Variants in CPXM1 observed in about 807,000 individuals in gnomAD.
CPXM1 encodes probable carboxypeptidase X1.
CPXM1 carries 72 observed loss-of-function variants against 80.4 expected under a neutral mutation model. The observed-to-expected ratio is 0.90, with a 90% CI of 0.74 to 1.09. The LOEUF is 1.09. Ranked by LOEUF, CPXM1 falls within the 50% of genes least tolerant of loss-of-function variation. The pLI is 0.00. For synonymous variants in CPXM1, 403 were observed against 405.6 expected, an observed-to-expected ratio of 0.99 and a Z score of 0.08; for missense variants, 892 against 999.4, an observed-to-expected ratio of 0.89 and a Z score of 1.45.
chr20:2,796,466 A>T lies in CPXM1; in HGVS notation c.1046-23T>A, dbSNP rs752893225. ...CCCCTGGGGACACATGGGGGCTTGC[A>T]GCGGGTTCATGCCTGGGGCCCTGCC... On this transcript the variant is annotated intron_variant, in intron 8 of 13. Transcript: ENST00000380605. The surrounding 1 kb of genome is among the most constrained non-coding windows in gnomAD (Gnocchi z 6.8). The T allele has an allele frequency of 1.7e-5, 28 of 1,613,538 alleles. No individual in the cohort carries two copies. The highest frequency in any genetic ancestry group is 2.2e-5 in the Non-Finnish European group (26 of 1,179,616).
In CPXM1 at chr20:2,794,625, A is replaced by G. The variant is rs762194038; in HGVS notation, c.1875T>C (p.Ile625=). ...TGTCCTTGTCCCTCACCACTCCTGC[A>G]ATGCCCATGCGCACCTGTGTGGGAA... The part of the protein sequence containing the change: ...LTYLEQVRMG[I]AGVVRDKDTE... Residue 625 remains isoleucine, a synonymous_variant, in exon 13 of 14, where the codon ATT becomes ATC. Transcript: ENST00000380605. This position sits in a 1 kb window ranked among gnomAD's most constrained non-coding sequence, Gnocchi z 5.2. The G allele has an allele frequency of 1.9e-6, 3 of 1,611,948 alleles. No individual in the cohort carries two copies. The highest frequency in any genetic ancestry group is 2.5e-6 in the Non-Finnish European group (3 of 1,179,796).
Position 2,796,366 on chromosome 20 carries a change from G to A in CPXM1, c.1123C>T (p.Gln375Ter). The A allele has an allele frequency of 1.2e-6, 2 of 1,614,094 alleles. No homozygotes were observed. The highest frequency in any genetic ancestry group is 2.2e-5 in the East Asian group (1 of 44,876). Residue 375 changes from glutamine to a stop codon, truncating the protein, a stop_gained, in exon 9 of 14, where the codon CAG becomes TAG. Transcript: ENST00000380605. LOFTEE classifies it high-confidence loss of function. This position sits in a 1 kb window ranked among gnomAD's most constrained non-coding sequence, Gnocchi z 6.8. ...CGCAGGAACTCATGGCACAGGAACT[G>A]CATCAGGAGCAGAAGCAACTCCCGC... The part of the protein sequence containing the change: ...LGRELLLLLM[Q>*]FLCHEFLRGN...
Position 2,796,650 on chromosome 20 carries a change from G to A in CPXM1, c.922C>T (p.Leu308=). 1 of 1,614,072 alleles carries A rather than the reference G, an allele frequency of 6.2e-7. No homozygotes were observed. Among genetic ancestry groups the A allele is most frequent in the East Asian group, 2.2e-5 (1 of 44,880 alleles). The change falls in exon 8 of 14, where the codon CTG becomes TTG. Residue 308 remains leucine (L), a splice_region_variant and synonymous_variant. Coordinates refer to ENST00000380605, the MANE Select transcript of CPXM1 (RefSeq NM_019609.5). The surrounding 1 kb of genome is among the most constrained non-coding windows in gnomAD (Gnocchi z 6.8). ...CATTGCTCTTGTACCTGCTTCATCA[G>A]CTGGTGGGCAGAGTGTAGCGTGGCA... ...QHHNYKAMRK[L]MKQVQEQCPN... is the part of the protein sequence containing the mutation.
Position 2,795,676 on chromosome 20 carries a change from C to A in CPXM1, c.1643G>T (p.Arg548Leu). ...GAAGTCCTGGCTGTGGCAGGGTCGG[C>A]GGCTGGTGTCCTGCATGGCCAGATT... ...GSNLAMQDTS[R>L]RPCHSQDFSV... The change falls in exon 11 of 14, where the codon CGC becomes CTC. Residue 548 changes from arginine (R) to leucine (L), a missense_variant. By Grantham distance (102) the Arg-to-Leu change is moderately radical. This residue lies in a region of CPXM1 where 874 missense variants were observed against 958.4 expected (regional missense o/e 0.91). Coordinates refer to ENST00000380605, the MANE Select transcript of CPXM1 (RefSeq NM_019609.5). The surrounding 1 kb of genome is among the most constrained non-coding windows in gnomAD (Gnocchi z 5.4). 1 of 1,614,014 alleles carries A rather than the reference C, an allele frequency of 6.2e-7. No homozygotes were observed. Among genetic ancestry groups the A allele is most frequent in the Non-Finnish European group, 8.5e-7 (1 of 1,180,016 alleles).
chr20:2,795,836 C>A lies in CPXM1; in HGVS notation c.1483G>T (p.Ala495Ser), dbSNP rs1266316207. Residue 495 changes from alanine (A) to serine (S), a missense_variant, in exon 11 of 14, where the codon GCC (alanine) becomes TCC (serine). Ala to Ser is a moderately conservative substitution (Grantham distance 99). Coordinates refer to ENST00000380605, the MANE Select transcript of CPXM1 (RefSeq NM_019609.5). This position sits in a 1 kb window ranked among gnomAD's most constrained non-coding sequence, Gnocchi z 5.4. ...ACGAGCTCACCCCCGTGGAGGTTGG[C>A]ACTTAGCACAAAGGGGATCCGCTTC... is the stretch of plus-strand genomic sequence containing the variant. The part of the protein sequence containing the change: ...WMKRIPFVLS[A>S]NLHGGELVVS... 1 of 1,611,944 alleles carries A rather than the reference C, an allele frequency of 6.2e-7. No homozygotes were observed. Among genetic ancestry groups the A allele is most frequent in the Non-Finnish European group, 8.5e-7 (1 of 1,179,994 alleles).
intron 5 of CPXM1, 101 bp from the exon 6 acceptor site, chr20:2,797,443 C>A: frequency 2.4e-6 from 3 of 1,269,208 alleles, no homozygotes; most frequent in Non-Finnish European, 3.2e-6. Context: ...GTCTCCCCAC[C>A]CTAGTGGGCT....
intron 1 of CPXM1, 144 bp downstream of exon 1, chr20:2,800,257 G>A (rs2088556098): frequency 8.3e-6 from 6 of 725,228 alleles, no homozygotes; most frequent in East Asian, 3.4e-5. Context: ...GCGTGAGTGC[G>A]AGTGTGCGTG....
rs1743511152 is a variant in CPXM1 at position 2,796,725 on chromosome 20, A to C, written c.922-75T>G. 1.3e-6 allele frequency: 2 copies of C among 1,577,136 alleles called. No homozygotes were observed. Among genetic ancestry groups the C allele is most frequent in the Non-Finnish European group, 1.7e-6 (2 of 1,158,788 alleles). ...GGGGCAGATCACATGTGCCATGGAA[A>C]GACTTAAAAAGTCAGCGATGGCCCA... On this transcript the variant is annotated intron_variant, in intron 7 of 13. Coordinates refer to ENST00000380605, the MANE Select transcript of CPXM1 (RefSeq NM_019609.5). This position sits in a 1 kb window ranked among gnomAD's most constrained non-coding sequence, Gnocchi z 6.8.
chr20:2,798,829 C>T lies in CPXM1; in HGVS notation c.237G>A (p.Arg79=), dbSNP rs746373178. The T allele has an allele frequency of 4.3e-6, 7 of 1,613,982 alleles. No homozygotes were observed. The highest frequency in any genetic ancestry group is 5.9e-6 in the Non-Finnish European group (7 of 1,179,998). Residue 79 remains arginine (R), a synonymous_variant, in exon 2 of 14, where the codon CGG becomes CGA. Coordinates refer to ENST00000380605, the MANE Select transcript of CPXM1 (RefSeq NM_019609.5). ...IKKKKVIMKK[R]KKLTLTRPTP... ...TGGGGCGAGTTAGAGTTAGCTTCTT[C>T]CGCTTCTTCATAATGACCTTTTTCT...
chr20:2,795,278 T>A lies in CPXM1; in HGVS notation c.1859A>T (p.Gln620Leu). The change falls in exon 12 of 14, where the codon CAG (glutamine) becomes CTG (leucine). Residue 620 changes from glutamine (Q) to leucine (L), a missense_variant and splice_region_variant. Transcript: ENST00000380605. This position sits in a 1 kb window ranked among gnomAD's most constrained non-coding sequence, Gnocchi z 5.4. ...TGGGGGCCGGGACGCAGATCCGACC[T>A]GCTCCAGGTAGGTGAGGAGGGCGTC... ...NKDALLTYLE[Q>L]VRMGIAGVVR... is the part of the protein sequence containing the mutation. 1 of 1,613,662 alleles carries A rather than the reference T, an allele frequency of 6.2e-7. No homozygotes were observed. The highest frequency in any genetic ancestry group is 8.5e-7 in the Non-Finnish European group (1 of 1,179,902).
At position 2,795,238 on chromosome 20, in the gene CPXM1, G is replaced by A. The variant is rs779123499; in HGVS notation, c.1860+39C>T. The stretch of plus-strand genomic sequence containing the variant: ...GCTGTAGCCTAAATGGACAGCAGGA[G>A]TGATTCAGGCAGGCTGGGGGCCGGG... On this transcript the variant is annotated intron_variant, in intron 12 of 13. Coordinates refer to ENST00000380605, the MANE Select transcript of CPXM1 (RefSeq NM_019609.5). This position sits in a 1 kb window ranked among gnomAD's most constrained non-coding sequence, Gnocchi z 5.4. 3.7e-6 allele frequency: 6 copies of A among 1,603,544 alleles called. No homozygotes were observed. Among genetic ancestry groups the A allele is most frequent in the East Asian group, 2.2e-5 (1 of 44,758 alleles).
rs760823280 is a variant in CPXM1 at position 2,800,578 on chromosome 20, G to A, written c.-6C>T. 32 of 1,335,344 alleles carry A rather than the reference G, an allele frequency of 2.4e-5. 1 individual carries two copies. In the South Asian group the frequency reaches 4.6e-4, roughly 19 times the overall value. The allele number at this position is 1,335,344 out of a possible 1,614,324, so 82.7% of individuals were successfully genotyped here. A position where few individuals can be genotyped will look rare whatever the true frequency, so the allele number is the denominator to read the frequency against. On this transcript the variant is annotated 5_prime_UTR_variant, in exon 1 of 14. Coordinates refer to ENST00000380605, the MANE Select transcript of CPXM1 (RefSeq NM_019609.5). ...GCGAGCAGGAGCCCCCACATGGCGG[G>A]GATTGAGTGCCAGGGGCGCGCGGGC...
chr20:2,794,319 G>T lies in CPXM1; in HGVS notation c.2076C>A (p.Gly692=), dbSNP rs927072454. Residue 692 remains glycine (G), a synonymous_variant, in exon 14 of 14, where the codon GGC becomes GGA. Transcript: ENST00000380605. The surrounding 1 kb of genome is among the most constrained non-coding windows in gnomAD (Gnocchi z 5.2). ...TRNCRVTFEE[G]PFPCNFVLTK... The stretch of plus-strand genomic sequence containing the variant: ...TGAGCACGAAATTGCAGGGGAAGGG[G>T]CCCTCTTCAAAGGTGACCCGACAGT... 1 of 1,614,154 alleles carries T rather than the reference G, an allele frequency of 6.2e-7. No homozygotes were observed. Among genetic ancestry groups the T allele is most frequent in the Non-Finnish European group, 8.5e-7 (1 of 1,180,044 alleles).
At position 2,797,344 on chromosome 20, in the gene CPXM1, T is replaced by TG; in HGVS notation, c.682-3dup. 6.7e-7 allele frequency: 1 copy of TG among 1,483,652 alleles called. No individual in the cohort carries two copies. The highest frequency in any genetic ancestry group is 8.9e-7 in the Non-Finnish European group (1 of 1,119,306). The allele number at this position is 1,483,652 out of a possible 1,614,324, so 91.9% of individuals were successfully genotyped here. A position where few individuals can be genotyped will look rare whatever the true frequency, so the allele number is the denominator to read the frequency against. Reference sequence around the variant, plus strand: ...TGGGTCTGAATTGGCAGGAAATACCTGGGGGCAGCAAGTTCTCTGTTGTGG... The same window carrying TG: ...TGGGTCTGAATTGGCAGGAAATACCTGGGGGGCAGCAAGTTCTCTGTTGTGG... On this transcript the variant is annotated splice_region_variant and splice_polypyrimidine_tract_variant and intron_variant, in intron 5 of 13. Transcript: ENST00000380605.
At position 2,796,343 on chromosome 20, in the gene CPXM1, C is replaced by T. The variant is rs1365343166; in HGVS notation, c.1146G>A (p.Leu382=). Residue 382 remains leucine (L), a synonymous_variant, in exon 9 of 14, where the codon CTG becomes CTA. Coordinates refer to ENST00000380605, the MANE Select transcript of CPXM1 (RefSeq NM_019609.5). This position sits in a 1 kb window ranked among gnomAD's most constrained non-coding sequence, Gnocchi z 6.8. ...GCCGGGTCACCCGTGGGTTCCCTCGCAGGAACTCATGGCACAGGAACTGCA... is the reference window on the plus strand; with the variant it reads ...GCCGGGTCACCCGTGGGTTCCCTCGTAGGAACTCATGGCACAGGAACTGCA... ...LLMQFLCHEF[L]RGNPRVTRLL... The T allele has an allele frequency of 1.9e-6, 3 of 1,613,960 alleles. No homozygotes were observed. In the African/African-American group the frequency reaches 4.0e-5, roughly 22 times the overall value.
Position 2,795,180 on chromosome 20 carries a change from C to T in CPXM1, c.1860+97G>A, listed in dbSNP as rs769575025. ...CCATGGCATCTTGTGAGTCTGAATG[C>T]TCAGCTGGACCTTAGAAGAACCCCT... On this transcript the variant is annotated intron_variant, in intron 12 of 13. Transcript: ENST00000380605. This position sits in a 1 kb window ranked among gnomAD's most constrained non-coding sequence, Gnocchi z 5.4. 3 of 1,420,828 alleles carry T rather than the reference C, an allele frequency of 2.1e-6. No individual in the cohort carries two copies. Among genetic ancestry groups the T allele is most frequent in the African/African-American group, 2.8e-5 (2 of 70,534 alleles). 88.0% of individuals were successfully genotyped at this position (1,420,828 alleles called of 1,614,324 possible). A position where few individuals can be genotyped will look rare whatever the true frequency, so the allele number is the denominator to read the frequency against.
In CPXM1 at chr20:2,794,264, G is replaced by A. The variant is rs41297632; in HGVS notation, c.2131C>T (p.Leu711=). 5.3e-3 allele frequency: 8,626 copies of A among 1,614,102 alleles called. 84 individuals carry two copies. Among genetic ancestry groups the A allele is most frequent in the Middle Eastern group, 0.043 (261 of 6,060 alleles). The change falls in exon 14 of 14, where the codon CTG becomes TTG. Residue 711 remains leucine (L), a synonymous_variant. Transcript: ENST00000380605. The surrounding 1 kb of genome is among the most constrained non-coding windows in gnomAD (Gnocchi z 5.2). The stretch of plus-strand genomic sequence containing the variant: ...GGCACCTTGGCCCCAGCTGCCAGCA[G>A]CTCGCGCAGCCTCTGTTTGGGAGTC... ...TKTPKQRLRE[L]LAAGAKVPPD...
rs200923380 is a variant in CPXM1, at chr20:2,796,111, G to A, written c.1293C>T (p.Ile431=). The part of the protein sequence containing the change: ...WAEGRWNNQS[I]DLNHNFADLN... ...GGTCAGCAAAATTATGGTTAAGATCGATGCTCTGGTTGTTCCAGCGGCCCT... is the reference window on the plus strand; with the variant it reads ...GGTCAGCAAAATTATGGTTAAGATCAATGCTCTGGTTGTTCCAGCGGCCCT... Residue 431 remains isoleucine (I), a synonymous_variant, in exon 10 of 14, where the codon ATC becomes ATT. Transcript: ENST00000380605. This position sits in a 1 kb window ranked among gnomAD's most constrained non-coding sequence, Gnocchi z 6.8. The A allele has an allele frequency of 1.7e-5, 27 of 1,613,746 alleles. No homozygotes were observed. In the Admixed American group the frequency reaches 2.5e-4, roughly 15 times the overall value.
chr20:2,799,262 C>G (rs1261323406), intron 1 of CPXM1, among the ~76,000 whole-genome samples: 1 of 152,208 alleles, frequency 6.6e-6, no homozygotes, highest in East Asian at 1.9e-4. Context: ...CCCCTCGCCT[C>G]TGATTTTTTC....
Sources: gnomAD v4.1 joint callset for allele counts (sites outside exome capture counted in the v4.1 genomes callset) on GRCh38, gnomAD v4.1.1 for gene constraint, gnomAD v4.1.1 regional missense constraint, Gnocchi (gnomAD v3.1) non-coding constraint, MANE v1.5 for transcripts, NCBI Gene and HGNC (gene_info 2026-07-23, HGNC 2026-07-21) for gene names.